The following BBS9 variants were observed in gnomAD, a reference collection of about 807,000 sequenced individuals.
The protein encoded by BBS9 is Bardet-Biedl syndrome 9, also known as protein PTHB1.
A neutral mutation model predicts 117.7 loss-of-function variants in BBS9; 89 were observed. That is an observed-to-expected ratio of 0.76 (90% CI 0.64 to 0.90). The LOEUF is 0.90. BBS9 is among the 40% of genes least tolerant of loss of function. The pLI is 0.00. For missense variants in BBS9, 982 were observed against 1,042.2 expected, an observed-to-expected ratio of 0.94 and a Z score of 0.80; for synonymous variants, 379 against 370.9, an observed-to-expected ratio of 1.02 and a Z score of -0.25.
chr7:33,492,821 T>C (rs1011601001), intron 19 of BBS9, among the ~76,000 whole-genome samples: 1 of 104,314 alleles, frequency 9.6e-6, no homozygotes, highest in Non-Finnish European at 2.2e-5. Context: ...AGTGTGTGTG[T>C]GTGTGTGTGT....
chr7:33,591,438 T>C (rs1171147696), intron 21 of BBS9, among the ~76,000 whole-genome samples: 2 of 152,110 alleles, frequency 1.3e-5, no homozygotes, highest in East Asian at 3.9e-4. Flanking sequence ...AATGATTCTT[T>C]GTTAAGTGTT....
chr7:33,509,948 C>T (rs1242510071), intron 20 of BBS9, among the ~76,000 whole-genome samples: 1 of 152,100 alleles, frequency 6.6e-6, no homozygotes, highest in Non-Finnish European at 1.5e-5. Context: ...TTTGTCACTC[C>T]TCAATACTAT....
chr7:33,448,016 A>G (rs1338102758), intron 19 of BBS9, among the ~76,000 whole-genome samples: 1 of 152,156 alleles, frequency 6.6e-6, no homozygotes, highest in Non-Finnish European at 1.5e-5. Context: ...AAAACACCCA[A>G]TCTATTTTCT....
At position 33,373,568 on chromosome 7, in the gene BBS9, A is replaced by G. The variant is rs148352645; in HGVS notation, c.1789+5706A>G. On this transcript the variant is annotated intron_variant, in intron 17 of 22. Transcript: ENST00000242067. The stretch of plus-strand genomic sequence containing the variant: ...CCAAACTGCTTAAGTATATAATACA[A>G]ATATCCCCAAATCTGAAAAAATCTG... 5.9e-3 allele frequency among the ~76,000 whole-genome samples: 905 copies of G among 152,276 alleles called. 10 individuals carry two copies. Among genetic ancestry groups the G allele is most frequent in the African/African-American group, 0.019 (782 of 41,574 alleles).
intron 16 of BBS9, among the ~76,000 whole-genome samples, chr7:33,358,352 T>G (rs1820021635): frequency 6.6e-6 from 1 of 151,890 alleles, no homozygotes; most frequent in African/African-American, 2.4e-5. Flanking sequence ...TCTAAGTGTA[T>G]AAATATTTAT....
chr7:33,583,364 C>T (rs1860328034), intron 21 of BBS9, among the ~76,000 whole-genome samples: 1 of 152,106 alleles, frequency 6.6e-6, no homozygotes, highest in African/African-American at 2.4e-5. Context: ...TATCTATAGA[C>T]TAGATCTTCC....
At chr7:33,339,727 A>G (rs1451406234) in intron 10 of BBS9, among the ~76,000 whole-genome samples, 2 of 152,100 alleles carry the variant, frequency 1.3e-5, no homozygotes, top group African/African-American at 2.4e-5. Flanking sequence ...TCCCAGAAAC[A>G]TGTGCCAGCT....
At chr7:33,363,343 T>A (rs1352373123) in intron 16 of BBS9, among the ~76,000 whole-genome samples, 1 of 152,180 alleles carries the variant, frequency 6.6e-6, no homozygotes, top group Non-Finnish European at 1.5e-5. Flanking sequence ...CCTCAGGTGA[T>A]CCACCTGTCT....
intron 21 of BBS9, among the ~76,000 whole-genome samples, chr7:33,591,866 C>CCATCATCATCATCAT (rs138958813): frequency 1.3e-5 from 2 of 151,080 alleles, no homozygotes; most frequent in Non-Finnish European, 3.0e-5. Flanking sequence ...GCCGTCGTCG[C>CCATCATCATCATCAT]CATCATCATC....
intron 11 of BBS9, 74 bp downstream of exon 11, chr7:33,341,047 G>A (rs1219499364): frequency 7.5e-7 from 1 of 1,340,464 alleles, no homozygotes; most frequent in East Asian, 2.3e-5. Context: ...AAAATGCATT[G>A]GTTTAAAGTT....
chr7:33,587,034 G>A (rs904680180), intron 21 of BBS9, among the ~76,000 whole-genome samples: 1 of 151,922 alleles, frequency 6.6e-6, no homozygotes, highest in African/African-American at 2.4e-5. Context: ...ATGTACCCCC[G>A]ATTCTAAAAT....
intron 20 of BBS9, among the ~76,000 whole-genome samples, chr7:33,507,991 C>A (rs987197230): frequency 2.0e-5 from 3 of 152,038 alleles, no homozygotes; most frequent in Non-Finnish European, 4.4e-5. Context: ...GTGAATTTTA[C>A]CATTGGTCTT....
intron 21 of BBS9, among the ~76,000 whole-genome samples, chr7:33,565,781 G>GTATATATATA (rs70989957): frequency 2.9e-4 from 19 of 65,646 alleles, no homozygotes; most frequent in African/African-American, 3.5e-4. Flanking sequence ...GCTATCAGTA[G>GTATATATATA]TATATATATA....
intron 17 of BBS9, among the ~76,000 whole-genome samples, chr7:33,382,000 A>T (rs143078588): frequency 5.3e-5 from 8 of 152,328 alleles, no homozygotes; most frequent in African/African-American, 1.7e-4. Flanking sequence ...GAAATATTTT[A>T]TATGTCCATG....
intron 21 of BBS9, among the ~76,000 whole-genome samples, chr7:33,632,298 T>A (rs1241662719): frequency 1.3e-5 from 2 of 152,244 alleles, no homozygotes; most frequent in Admixed American, 1.3e-4. Context: ...AAATGTTCAC[T>A]CTTCAATGTT....
intron 21 of BBS9, among the ~76,000 whole-genome samples, chr7:33,581,726 T>C (rs1859957519): frequency 6.6e-6 from 1 of 152,178 alleles, no homozygotes; most frequent in South Asian, 2.1e-4. Flanking sequence ...ATTCTGACCT[T>C]TTCAAAATCA....
chr7:33,623,747 A>T (rs1865517819), intron 21 of BBS9, among the ~76,000 whole-genome samples: 1 of 152,242 alleles, frequency 6.6e-6, no homozygotes, highest in South Asian at 2.1e-4. Context: ...GAAGCAAATT[A>T]TAGAATGTAT....
chr7:33,454,567 G>A (rs1838355211), intron 19 of BBS9, among the ~76,000 whole-genome samples: 1 of 152,256 alleles, frequency 6.6e-6, no homozygotes, highest in African/African-American at 2.4e-5. Flanking sequence ...CTTAGGCCAA[G>A]TTCCTTAACA....
intron 19 of BBS9, among the ~76,000 whole-genome samples, chr7:33,438,184 A>T (rs920127663): frequency 1.3e-5 from 2 of 152,230 alleles, no homozygotes; most frequent in Non-Finnish European, 2.9e-5. Flanking sequence ...ATAAACAAAA[A>T]TAAATCTCAA....
Sources: gnomAD v4.1 joint callset for allele counts (sites outside exome capture counted in the v4.1 genomes callset) on GRCh38, gnomAD v4.1.1 for gene constraint, MANE v1.5 for transcripts, NCBI Gene and HGNC (gene_info 2026-07-23, HGNC 2026-07-21) for gene names.